Variants in SOX6 observed in about 807,000 individuals in gnomAD.
SOX6 encodes transcription factor SOX-6.
In SOX6, 11 loss-of-function variants were observed where a neutral mutation model predicts 97.8. The observed-to-expected ratio is 0.11, with a 90% CI of 0.07 to 0.19. The LOEUF (loss-of-function observed/expected upper bound fraction) is 0.19. Among genes scored for constraint, SOX6 ranks in the 10% least tolerant of loss-of-function variants. SOX6 has a pLI of 1.00. For missense variants in SOX6, 810 were observed against 1,039.5 expected (o/e 0.78, Z 3.04); for synonymous variants, 360 against 371.4 (o/e 0.97, Z 0.35).
intron 1 of SOX6, among the ~76,000 whole-genome samples, chr11:16,469,578 C>T (rs1457906250): frequency 6.6e-6 from 1 of 152,130 alleles, no homozygotes; most frequent in African/African-American, 2.4e-5. Flanking sequence ...TTCCTCTTCA[C>T]TGTTTATTCC....
chr11:16,290,160 G>A lies in SOX6; in HGVS notation c.445+28286C>T, dbSNP rs763609227. 4.0e-5 allele frequency among the ~76,000 whole-genome samples: 6 copies of A among 151,668 alleles called. No homozygotes were observed. In the East Asian group the frequency reaches 9.7e-4, roughly 24 times the overall value. On this transcript the variant is annotated intron_variant, in intron 3 of 15. Transcript: ENST00000683767. ...CTATCAAGAAAGTGTCTTCCTCTAG[G>A]GCCATGAATCTTCATTTCTTCTAAC...
chr11:16,710,424 C>G (rs1448121170), intron 3 of SOX6, among the ~76,000 whole-genome samples: 1 of 152,148 alleles, frequency 6.6e-6, no homozygotes, highest in Non-Finnish European at 1.5e-5. Flanking sequence ...AGTGGACGAG[C>G]CAGAACTCAA....
intron 9 of SOX6, among the ~76,000 whole-genome samples, chr11:16,056,912 T>A (rs1847828856): frequency 6.6e-6 from 1 of 152,180 alleles, no homozygotes; most frequent in Admixed American, 6.6e-5. Context: ...AAGTCATTCT[T>A]GTATACAGCT....
intron 3 of SOX6, among the ~76,000 whole-genome samples, chr11:16,659,528 T>C (rs186764106): frequency 1.5e-3 from 236 of 152,324 alleles, no homozygotes; most frequent in Non-Finnish European, 2.7e-3. Context: ...TCCCCTTCCA[T>C]GTAAACTTTA....
chr11:16,671,443 G>A (rs7128484), intron 3 of SOX6, among the ~76,000 whole-genome samples: 121,912 of 152,218 alleles, frequency 0.8, 48,974 homozygotes, highest in Middle Eastern at 0.89. Flanking sequence ...GCCAGTACAG[G>A]AAAGAACCTA....
Position 16,388,224 on chromosome 11 carries a change from G to A in SOX6, c.-4-46972C>T, listed in dbSNP as rs540870765. Among the ~76,000 whole-genome samples the A allele has an allele frequency of 6.6e-5, 10 of 152,204 alleles. No homozygotes were observed. The East Asian group carries it at 1.5e-3, about 23-fold the overall frequency. On this transcript the variant is annotated intron_variant, in intron 1 of 15. Transcript: ENST00000396356. ...TTCTCATTTACTCTGTTAATACAGT[G>A]ACATTTTCCAAATGTTAAACCAATC...
At chr11:15,980,824 A>G (rs1238950502) in intron 15 of SOX6, among the ~76,000 whole-genome samples, 1 of 152,010 alleles carries the variant, frequency 6.6e-6, no homozygotes, top group Non-Finnish European at 1.5e-5. Context: ...CAAAATGAAG[A>G]TTAGTAGTTC....
chr11:16,546,177 A>AT (rs1847619050), intron 4 of SOX6, among the ~76,000 whole-genome samples: 1 of 152,126 alleles, frequency 6.6e-6, no homozygotes, highest in Admixed American at 6.6e-5. Flanking sequence ...AAACTACAAA[A>AT]TGCTGATGAA....
chr11:16,640,985 CT>C (rs1407895085), intron 3 of SOX6, among the ~76,000 whole-genome samples: 2 of 152,104 alleles, frequency 1.3e-5, no homozygotes, highest in Non-Finnish European at 2.9e-5. Context: ...TTCTCTAGTT[CT>C]TTTAAGTGTG....
chr11:16,490,324 A>G (rs773454382), intron 4 of SOX6, among the ~76,000 whole-genome samples: 4 of 151,898 alleles, frequency 2.6e-5, no homozygotes, highest in Non-Finnish European at 5.9e-5. Context: ...AGACTCCCCA[A>G]CTGGAGATAT....
intron 4 of SOX6, among the ~76,000 whole-genome samples, chr11:16,531,156 AT>A (rs1275456277): frequency 1.3e-5 from 2 of 150,780 alleles, no homozygotes; most frequent in Non-Finnish European, 3.0e-5. Flanking sequence ...ATGTTTCCTC[AT>A]AGATATATAT....
chr11:16,043,513 C>A (rs1353446406), intron 12 of SOX6, among the ~76,000 whole-genome samples: 1 of 152,032 alleles, frequency 6.6e-6, no homozygotes, highest in Non-Finnish European at 1.5e-5. Context: ...TTTTAAAGTG[C>A]CAAAATAGGG....
At chr11:16,687,124 C>CA (rs1203439136) in intron 3 of SOX6, among the ~76,000 whole-genome samples, 2 of 151,762 alleles carry the variant, frequency 1.3e-5, no homozygotes, top group South Asian at 4.2e-4. Context: ...GACTCTGTGT[C>CA]AAAAAAACAA....
At chr11:16,584,872 A>G (rs1848075283) in intron 4 of SOX6, among the ~76,000 whole-genome samples, 11 of 152,170 alleles carry the variant, frequency 7.2e-5, no homozygotes, top group Admixed American at 7.2e-4. Context: ...GCCCTGGGAA[A>G]TGCCTCCTGG....
chr11:16,281,880 C>T lies in SOX6; in HGVS notation c.445+36566G>A, dbSNP rs543454097. ...TTATGTGTATTTTCACTGAGTTATACGAACACACAAATATAAACGTTAACA... is the reference window on the plus strand; with the variant it reads ...TTATGTGTATTTTCACTGAGTTATATGAACACACAAATATAAACGTTAACA... On this transcript the variant is annotated intron_variant, in intron 3 of 15. Coordinates refer to ENST00000683767, the MANE Select transcript of SOX6 (RefSeq NM_001367873.1). Among the ~76,000 whole-genome samples the T allele has an allele frequency of 2.0e-4, 30 of 150,662 alleles. No individual in the cohort carries two copies. The South Asian group carries it at 2.9e-3, about 15-fold the overall frequency.
chr11:16,338,636 T>C (rs1590137534), intron 2 of SOX6, among the ~76,000 whole-genome samples: 1 of 151,968 alleles, frequency 6.6e-6, no homozygotes, highest in East Asian at 1.9e-4. Context: ...TTAAACAAAA[T>C]ATTTTGGCTT....
intron 12 of SOX6, among the ~76,000 whole-genome samples, chr11:16,036,883 G>A (rs60082792): frequency 0.05 from 7,602 of 152,190 alleles, 625 homozygotes; most frequent in African/African-American, 0.17. Context: ...TTAGACTTAG[G>A]AGGCAGCTTG....
At chr11:16,684,111 A>G (rs2134031744) in intron 3 of SOX6, among the ~76,000 whole-genome samples, 1 of 152,362 alleles carries the variant, frequency 6.6e-6, no homozygotes, top group Non-Finnish European at 1.5e-5. Context: ...GGATGTGGAG[A>G]AATAGGGAAG....
chr11:16,255,455 G>A (rs1565051040), intron 3 of SOX6, among the ~76,000 whole-genome samples: 1 of 151,906 alleles, frequency 6.6e-6, no homozygotes, highest in Non-Finnish European at 1.5e-5. Flanking sequence ...AATGATAGCT[G>A]GAATAACCCA....
Sources: gnomAD v4.1 joint callset for allele counts (sites outside exome capture counted in the v4.1 genomes callset) on GRCh38, gnomAD v4.1.1 for gene constraint, MANE v1.5 for transcripts, NCBI Gene and HGNC (gene_info 2026-07-23, HGNC 2026-07-21) for gene names.